VRK2: variants seen among roughly 807,000 people sequenced by gnomAD.
The protein encoded by VRK2 is VRK serine/threonine kinase 2, also known as serine/threonine-protein kinase VRK2.
A neutral mutation model predicts 57.6 loss-of-function variants in VRK2; 60 were observed. The ratio of observed to expected loss-of-function variants is 1.04; its 90% CI spans 0.85 to 1.29. The LOEUF (loss-of-function observed/expected upper bound fraction) is 1.29. VRK2 is among the 50% of genes most tolerant of loss of function. The pLI is 0.00. For synonymous variants in VRK2, 231 were observed against 199.2 expected, an observed-to-expected ratio of 1.16 and a Z score of -1.35; for missense variants, 705 against 588.1, an observed-to-expected ratio of 1.20 and a Z score of -2.06.
chr2:58,129,954 G>A (rs1230304662), intron 8 of VRK2, among the ~76,000 whole-genome samples: 1 of 152,168 alleles, frequency 6.6e-6, no homozygotes, highest in South Asian at 2.1e-4. Context: ...ATTGAAAAAT[G>A]TGATAATGTA....
upstream of VRK2, chr2:58,046,620 T>C (rs113967627): frequency 8.1e-6 from 8 of 985,444 alleles, no homozygotes; most frequent in Admixed American, 1.8e-4. Flanking sequence ...CGCCCTCTCC[T>C]TCCCCTGGGC....
chr2:58,124,421 A>G (rs904664892), intron 8 of VRK2, among the ~76,000 whole-genome samples: 4 of 152,186 alleles, frequency 2.6e-5, no homozygotes, highest in Non-Finnish European at 2.9e-5. Flanking sequence ...TTATTGAAAA[A>G]CTTTGGCTTT....
chr2:58,061,942 T>A (rs1007092137), intron 2 of VRK2, among the ~76,000 whole-genome samples: 1 of 152,040 alleles, frequency 6.6e-6, no homozygotes, highest in Non-Finnish European at 1.5e-5. Context: ...GCTTTATCTG[T>A]TGCATATTCA....
At chr2:57,993,395 A>G (rs1315356036) in intron 1 of VRK2, among the ~76,000 whole-genome samples, 1 of 152,160 alleles carries the variant, frequency 6.6e-6, no homozygotes, top group Non-Finnish European at 1.5e-5. Context: ...TTAGAATTAA[A>G]TTGTGCTAAG....
chr2:58,042,022 G>C (rs1328778225), upstream of VRK2, among the ~76,000 whole-genome samples: 1 of 151,910 alleles, frequency 6.6e-6, no homozygotes, highest in Non-Finnish European at 1.5e-5. Context: ...CCAAACTGTA[G>C]CCCAACCATC....
At chr2:58,032,603 A>G (rs1466028665) in intron 2 of VRK2, among the ~76,000 whole-genome samples, 5 of 152,126 alleles carry the variant, frequency 3.3e-5, no homozygotes, top group African/African-American at 1.2e-4. Flanking sequence ...CTCAAGAATT[A>G]AGTGTAGAAT....
intron 1 of VRK2, among the ~76,000 whole-genome samples, chr2:58,013,612 C>T (rs1267736172): frequency 2.0e-5 from 3 of 152,098 alleles, no homozygotes; most frequent in Non-Finnish European, 4.4e-5. Flanking sequence ...TGGCTCACGC[C>T]TGTAGTCCCA....
chr2:58,016,280 G>C (rs1283423815), intron 1 of VRK2, among the ~76,000 whole-genome samples: 1 of 152,050 alleles, frequency 6.6e-6, no homozygotes, highest in Non-Finnish European at 1.5e-5. Context: ...AATTATTATT[G>C]ATAGTGTTTT....
chr2:58,027,134 C>T (rs1673954458), intron 2 of VRK2, among the ~76,000 whole-genome samples: 2 of 151,890 alleles, frequency 1.3e-5, no homozygotes, highest in African/African-American at 2.4e-5. Context: ...CTAAGGGTGC[C>T]CTTCTCTGTT....
At chr2:57,939,173 G>C (rs1671013503) in intron 1 of VRK2, among the ~76,000 whole-genome samples, 1 of 152,158 alleles carries the variant, frequency 6.6e-6, no homozygotes, top group African/African-American at 2.4e-5. Context: ...GAATCATAAT[G>C]AATATTTTCA....
chr2:58,092,508 T>C (rs1210432612), intron 7 of VRK2, among the ~76,000 whole-genome samples: 1 of 152,346 alleles, frequency 6.6e-6, no homozygotes, highest in East Asian at 1.9e-4. Context: ...TGGAGACATA[T>C]GTTTCACTTT....
chr2:58,024,039 C>T (rs1466393241), intron 1 of VRK2, among the ~76,000 whole-genome samples: 4 of 147,744 alleles, frequency 2.7e-5, no homozygotes, highest in Non-Finnish European at 4.4e-5. Context: ...AGTGCAGTGA[C>T]GCTGTCTCAG....
At chr2:58,147,350 T>A (rs775950442) in intron 12 of VRK2, among the ~76,000 whole-genome samples, 1 of 151,956 alleles carries the variant, frequency 6.6e-6, no homozygotes, top group Non-Finnish European at 1.5e-5. Flanking sequence ...CTTTCGAGTA[T>A]AAAATAGTGG....
In VRK2 at chr2:58,149,996, CTT is replaced by C. The variant is rs55783668; in HGVS notation, c.1182+3539_1182+3540del. 9.1e-3 allele frequency among the ~76,000 whole-genome samples: 984 copies of C among 108,316 alleles called. 13 individuals carry two copies. The highest frequency in any genetic ancestry group is 0.022 in the African/African-American group (627 of 28,868). 71.1% of individuals were successfully genotyped at this position (108,316 alleles called of 152,430 possible). On this transcript the variant is annotated intron_variant, in intron 12 of 12. Transcript: ENST00000340157. ...TGGTCTGTAATTTTCTTTTTCTTTTCTTTTTTTTTTTTTTTTTTGCAAAGTGA... is the reference window on the plus strand; with the variant it reads ...TGGTCTGTAATTTTCTTTTTCTTTTCTTTTTTTTTTTTTTTTGCAAAGTGA...
intron 1 of VRK2, among the ~76,000 whole-genome samples, chr2:57,921,388 T>C (rs921176282): frequency 3.3e-5 from 5 of 151,986 alleles, no homozygotes; most frequent in African/African-American, 1.2e-4. Context: ...CCTTGCAAAA[T>C]GTATACTATA....
intron 7 of VRK2, among the ~76,000 whole-genome samples, chr2:58,102,807 A>G (rs1325589184): frequency 2.6e-5 from 4 of 151,652 alleles, no homozygotes; most frequent in Non-Finnish European, 5.9e-5. Context: ...CACAGGGAAC[A>G]TTCTCCAAGA....
chr2:58,079,708 A>G (rs943632537), intron 2 of VRK2, among the ~76,000 whole-genome samples: 1 of 151,990 alleles, frequency 6.6e-6, no homozygotes, highest in Non-Finnish European at 1.5e-5. Context: ...AATATTATAA[A>G]TTTTATTGCT....
At chr2:58,080,711 A>G (rs916544489) in intron 2 of VRK2, among the ~76,000 whole-genome samples, 7 of 151,636 alleles carry the variant, frequency 4.6e-5, no homozygotes, top group Admixed American at 2.0e-4. Context: ...TATTTTCTAT[A>G]TTTTTACTTT....
At chr2:58,011,938 T>A (rs1481366447) in intron 1 of VRK2, among the ~76,000 whole-genome samples, 1 of 152,190 alleles carries the variant, frequency 6.6e-6, no homozygotes, top group Admixed American at 6.5e-5. Flanking sequence ...TAGGATAGCA[T>A]CAGATTCCCC....
Sources: allele counts gnomAD v4.1 joint callset (sites outside exome capture counted in the v4.1 genomes callset), GRCh38; gene constraint gnomAD v4.1.1; transcripts MANE v1.5; gene names NCBI Gene and HGNC (gene_info 2026-07-23, HGNC 2026-07-21).